The following RSPH10B2 variants were observed in gnomAD, a reference collection of about 807,000 sequenced individuals.
RSPH10B2 encodes the protein radial spoke head 10 homolog B2.
Under a neutral mutation model 49.0 loss-of-function variants are expected in RSPH10B2, and 9 were observed. The ratio of observed to expected loss-of-function variants is 0.18; its 90% CI spans 0.11 to 0.32. The LOEUF (loss-of-function observed/expected upper bound fraction) is 0.32. RSPH10B2 is among the 10% of genes least tolerant of loss of function. RSPH10B2 has a pLI of 1.00. For missense variants in RSPH10B2, 95 were observed against 589.9 expected (o/e 0.16, Z 8.69); for synonymous variants, 35 against 210.2 (o/e 0.17, Z 7.21).
At chr7:6,791,761 AAAGTC>A in intron 16 of RSPH10B2, 138 bp from the exon 19 acceptor site, 3 of 165,208 alleles carry the variant, frequency 1.8e-5, no homozygotes, top group South Asian at 1.3e-4. Context: ...AAAAAAAAAA[AAAGTC>A]AAATTAAAGT....
At chr7:6,798,168 TAGATG>T (rs1313625771) in intron 18 of RSPH10B2, among the ~76,000 whole-genome samples, 190 bp from the exon 21 acceptor site, 3 of 62,864 alleles carry the variant, frequency 4.8e-5, no homozygotes, top group Non-Finnish European at 8.2e-5. Flanking sequence ...TTTTCATAGA[TAGATG>T]AGAAGTTTAT....
intron 1 of RSPH10B2, among the ~76,000 whole-genome samples, chr7:6,758,852 A>G (rs1036064177): frequency 3.0e-5 from 4 of 135,326 alleles, no homozygotes; most frequent in African/African-American, 1.1e-4. Context: ...CCATCTCAAA[A>G]AAAATCCCCA....
At chr7:6,756,251 G>GAC (rs1781084710), upstream of RSPH10B2, among the ~76,000 whole-genome samples, 2 of 140,180 alleles carry the variant, frequency 1.4e-5, no homozygotes, top group Non-Finnish European at 3.0e-5. Context: ...GCCTGGGCAA[G>GAC]AGAGTGAGAC....
chr7:6,780,640 C>T (rs1336498651), intron 11 of RSPH10B2, among the ~76,000 whole-genome samples, 169 bp from the exon 14 acceptor site: 1 of 117,884 alleles, frequency 8.5e-6, no homozygotes. Flanking sequence ...CCACCTTGGC[C>T]TCCCAAAATG....
intron 1 of RSPH10B2, 103 bp downstream of exon 3, chr7:6,758,034 C>A (rs1267144878): frequency 6.3e-7 from 1 of 1,582,210 alleles, no homozygotes; most frequent in Admixed American, 1.7e-5. Context: ...GGCTGGAGTG[C>A]AGTGGTGTGA....
chr7:6,767,336 G>T (rs1583504363), intron 6 of RSPH10B2, among the ~76,000 whole-genome samples: 1 of 614 alleles, frequency 1.6e-3, no homozygotes, highest in East Asian at 4.9e-3. Context: ...GCGGTGGCAG[G>T]ATCTCAGCTC....
At position 6,768,572 on chromosome 7, in the gene RSPH10B2, A is replaced by C; in HGVS notation, c.781-18A>C. On this transcript the variant is annotated intron_variant, in intron 6 of 18. Coordinates refer to ENST00000297186, the Ensembl canonical transcript of RSPH10B2. The stretch of plus-strand genomic sequence containing the variant: ...AACTGCTTTGTGCATTTCTGATGGC[A>C]GTGTGCTTTCTTTTCAGAATGGCTT... 1 of 199,636 alleles carries C rather than the reference A, an allele frequency of 5.0e-6. No individual in the cohort carries two copies. Among genetic ancestry groups the C allele is most frequent in the Non-Finnish European group, 9.9e-6 (1 of 100,856 alleles). The allele number at this position is 199,636 out of a possible 1,614,324, so 12.4% of individuals were successfully genotyped here.
chr7:6,785,418 T>C (rs1483587737), intron 13 of RSPH10B2, among the ~76,000 whole-genome samples: 2 of 152,410 alleles, frequency 1.3e-5, no homozygotes, highest in South Asian at 4.1e-4. Context: ...GCTCAAGTGA[T>C]CCTCCCACGT....
chr7:6,783,293 G>C (rs1253204476), intron 13 of RSPH10B2, among the ~76,000 whole-genome samples: 1 of 116,550 alleles, frequency 8.6e-6, no homozygotes, highest in East Asian at 2.6e-4. Context: ...GACTCCCAAA[G>C]TGCTGGGATT....
At chr7:6,794,253 C>T (rs1353554927) in intron 17 of RSPH10B2, 3 of 153,788 alleles carry the variant, frequency 2.0e-5, no homozygotes, top group Admixed American at 6.5e-5. Flanking sequence ...CCACGTGGCA[C>T]TGTCCTCCCC....
chr7:6,763,717 C>T (rs570393987), intron 3 of RSPH10B2, among the ~76,000 whole-genome samples: 70 of 146,002 alleles, frequency 4.8e-4, no homozygotes, highest in East Asian at 1.2e-3. Context: ...CCTGAGCTTC[C>T]GCCCACTGGT....
At chr7:6,769,754 C>T (rs1390187104) in intron 7 of RSPH10B2, among the ~76,000 whole-genome samples, 2 of 76,680 alleles carry the variant, frequency 2.6e-5, no homozygotes, top group South Asian at 3.5e-4. Flanking sequence ...ACGCCCGGCT[C>T]TTTTTTTTTT....
intron 4 of RSPH10B2, 49 bp from the exon 7 acceptor site, chr7:6,765,656 AT>A: frequency 1.6e-6 from 2 of 1,245,936 alleles, no homozygotes; most frequent in East Asian, 6.4e-5. Context: ...TTGACAAAGC[AT>A]TTGTGTCATG....
intron 17 of RSPH10B2, chr7:6,794,369 T>C (rs1237276517): frequency 6.6e-6 from 1 of 151,144 alleles, no homozygotes; most frequent in Non-Finnish European, 1.5e-5. Flanking sequence ...AAGCGTCAGC[T>C]TCTTGAAATA....
intron 13 of RSPH10B2, 70 bp downstream of exon 15, chr7:6,781,546 T>C: frequency 8.1e-7 from 1 of 1,234,968 alleles, no homozygotes; most frequent in Non-Finnish European, 1.0e-6. Context: ...AAAGGCAGGA[T>C]ATTCCAGCTG....
At chr7:6,793,594 C>G (rs1782432442) in intron 17 of RSPH10B2, among the ~76,000 whole-genome samples, 1 of 127,916 alleles carries the variant, frequency 7.8e-6, no homozygotes, top group Non-Finnish European at 1.6e-5. Context: ...ACTTGTAATC[C>G]CAGAACTTTG....
chr7:6,780,733 G>T lies in RSPH10B2; in HGVS notation c.1530-76G>T. 2 of 1,280,082 alleles carry T rather than the reference G, an allele frequency of 1.6e-6. 1 individual carries two copies. The highest frequency in any genetic ancestry group is 2.0e-6 in the Non-Finnish European group (2 of 977,506). The allele number at this position is 1,280,082 out of a possible 1,614,324, so 79.3% of individuals were successfully genotyped here. A position where few individuals can be genotyped will look rare whatever the true frequency, so the allele number is the denominator to read the frequency against. On this transcript the variant is annotated intron_variant, in intron 11 of 18. Coordinates refer to ENST00000297186, the Ensembl canonical transcript of RSPH10B2. ...AGAAGCAAATTATTAAGTCTAGCCCGTGCTCAAGGAGAAGGGAATTATGTT... is the reference window on the plus strand; with the variant it reads ...AGAAGCAAATTATTAAGTCTAGCCCTTGCTCAAGGAGAAGGGAATTATGTT...
chr7:6,793,970 C>T (rs368719690), intron 17 of RSPH10B2, among the ~76,000 whole-genome samples: 21 of 131,422 alleles, frequency 1.6e-4, no homozygotes, highest in South Asian at 4.9e-4. Context: ...TGCTGCTAGG[C>T]ATCTTGGGGG....
chr7:6,796,431 C>T lies in RSPH10B2; in HGVS notation c.2234-137C>T, dbSNP rs1248378594. 20 of 586,748 alleles carry T rather than the reference C, an allele frequency of 3.4e-5. No individual in the cohort carries two copies. The African/African-American group carries it at 3.7e-4, about 11-fold the overall frequency. 36.3% of individuals were successfully genotyped at this position (586,748 alleles called of 1,614,324 possible). ...TTGTTCCAGGTGGTCATGGAAGCAG[C>T]GTCCTTACTCCTCTCACTTCTCCTG... On this transcript the variant is annotated intron_variant, in intron 17 of 18. Transcript: ENST00000297186.
Sources: gnomAD v4.1 joint callset for allele counts (sites outside exome capture counted in the v4.1 genomes callset) on GRCh38, gnomAD v4.1.1 for gene constraint, MANE v1.5 for transcripts, NCBI Gene and HGNC (gene_info 2026-07-23, HGNC 2026-07-21) for gene names.